Variants in SYNE1 observed in about 807,000 individuals in gnomAD.
SYNE1 encodes the protein nesprin-1.
SYNE1 carries 616 observed loss-of-function variants against 1,111.0 expected under a neutral mutation model. That is an observed-to-expected ratio of 0.55 (90% CI 0.52 to 0.59). The LOEUF (loss-of-function observed/expected upper bound fraction) is 0.59. Ranked by LOEUF, SYNE1 falls within the 20% of genes least tolerant of loss-of-function variation. The pLI, the probability that SYNE1 is intolerant of heterozygous loss-of-function variation, is 0.00. For missense variants in SYNE1, 10,006 were observed against 10,417.0 expected, an observed-to-expected ratio of 0.96 and a Z score of 1.72; for synonymous variants, 3,855 against 3,825.8, an observed-to-expected ratio of 1.01 and a Z score of -0.28.
At chr6:152,417,313 A>C (rs185024118) in intron 40 of SYNE1, among the ~76,000 whole-genome samples, 2 of 152,302 alleles carry the variant, frequency 1.3e-5, no homozygotes, top group African/African-American at 4.8e-5. Flanking sequence ...CCTGGCTAAC[A>C]CGGTGAAACC....
rs1057423185 is a variant in SYNE1 at position 152,407,077 on chromosome 6, C to A, written c.6660G>T (p.Met2220Ile). The A allele has an allele frequency of 6.2e-7, 1 of 1,613,736 alleles. No individual in the cohort carries two copies. Among genetic ancestry groups the A allele is most frequent in the South Asian group, 1.1e-5 (1 of 91,058 alleles). ...TATCCAGGTTGCTGATGTTTTCTGC[C>A]ATCTGTGGAACGCAGTTGTTTGACC... ...EGWSNNCVPQ[M>I]AENISNLDNH... is the part of the protein sequence containing the mutation. Residue 2220 changes from methionine to isoleucine, a missense_variant, in exon 45 of 146, where the codon ATG becomes ATT. Physicochemically the swap from Met to Ile is conservative, Grantham distance 10 (BLOSUM62 1). Transcript: ENST00000367255.
intron 4 of SYNE1, among the ~76,000 whole-genome samples, chr6:152,528,055 TTC>T (rs2099171568): frequency 6.6e-6 from 1 of 152,108 alleles, no homozygotes; most frequent in South Asian, 2.1e-4. Context: ...GCCAATACCA[TTC>T]TCTCCCTGAT....
At chr6:152,347,513 C>A (rs2096658183) in intron 72 of SYNE1, among the ~76,000 whole-genome samples, 1 of 152,050 alleles carries the variant, frequency 6.6e-6, no homozygotes, top group South Asian at 2.1e-4. Context: ...AGAGATAATA[C>A]TCCATGGTAT....
intron 21 of SYNE1, among the ~76,000 whole-genome samples, chr6:152,460,797 ATCTTTTTT>A (rs2098728116): frequency 1.6e-5 from 2 of 127,308 alleles, no homozygotes; most frequent in South Asian, 2.5e-4. Context: ...AATGTATATA[ATCTTTTTT>A]TTTTTTTTTT....
chr6:152,373,010 T>C (rs1227711778), intron 59 of SYNE1, 27 bp downstream of exon 59: 1 of 1,604,442 alleles, frequency 6.2e-7, no homozygotes, highest in Non-Finnish European at 8.5e-7. Flanking sequence ...TAACACAGAA[T>C]GCTTCCATGT....
chr6:152,269,095 G>T, intron 99 of SYNE1, 60 bp downstream of exon 99: 1 of 1,611,996 alleles, frequency 6.2e-7, no homozygotes. Context: ...TCTGAAATAT[G>T]CCTCTCAGGT....
intron 6 of SYNE1, among the ~76,000 whole-genome samples, chr6:152,518,998 G>T (rs2099126161): frequency 6.7e-6 from 1 of 148,958 alleles, no homozygotes; most frequent in Non-Finnish European, 1.5e-5. Flanking sequence ...AGGGTGGGGG[G>T]AGGGGGGAGG....
At chr6:152,163,460 C>T (rs1323045788) in intron 131 of SYNE1, among the ~76,000 whole-genome samples, 1 of 143,606 alleles carries the variant, frequency 7.0e-6, no homozygotes, top group Non-Finnish European at 1.5e-5. Context: ...GATCGCACTA[C>T]TACACTCCAG....
intron 8 of SYNE1, among the ~76,000 whole-genome samples, chr6:152,506,253 G>A (rs1313814485): frequency 2.6e-5 from 4 of 152,038 alleles, no homozygotes; most frequent in African/African-American, 7.2e-5. Context: ...AGGCAGTTCC[G>A]AAAACAGAGT....
intron 14 of SYNE1, chr6:152,478,579 T>C (rs1564334457): frequency 6.6e-6 from 1 of 152,246 alleles, no homozygotes; most frequent in Non-Finnish European, 1.5e-5. Flanking sequence ...CGTAGGTGGG[T>C]TGATGTGGCC....
chr6:152,199,459 A>G, intron 127 of SYNE1, among the ~76,000 whole-genome samples: 1 of 152,228 alleles, frequency 6.6e-6, no homozygotes, highest in East Asian at 1.9e-4. Flanking sequence ...CTGCAGGATC[A>G]GACATTTCTT....
Position 152,354,705 on chromosome 6 carries a change from C to A in SYNE1, c.10880G>T (p.Arg3627Leu), listed in dbSNP as rs755667715. 10 of 1,614,224 alleles carry A rather than the reference C, an allele frequency of 6.2e-6. No homozygotes were observed. The highest frequency in any genetic ancestry group is 6.8e-6 in the Non-Finnish European group (8 of 1,180,040). Residue 3627 changes from arginine (R) to leucine (L), a missense_variant, in exon 67 of 146, where the codon CGT (arginine) becomes CTT (leucine). By Grantham distance (102) the Arg-to-Leu change is moderately radical. Coordinates refer to ENST00000367255, the MANE Select transcript of SYNE1 (RefSeq NM_182961.4). ...AEEKVSPRTR[R>L]QSNRATKEIQ... ...CTCCTTGGTTGCCCTGTTAGACTGA[C>A]GTCTGGTCCTGGGACTAACTTTCTC...
At chr6:152,172,710 T>G (rs1036211027) in intron 130 of SYNE1, among the ~76,000 whole-genome samples, 2 of 152,230 alleles carry the variant, frequency 1.3e-5, no homozygotes, top group Non-Finnish European at 2.9e-5. Context: ...AAGGCAGTTT[T>G]ACAGAAATTA....
At chr6:152,338,877 C>T (rs1040446027) in intron 75 of SYNE1, among the ~76,000 whole-genome samples, 1 of 151,420 alleles carries the variant, frequency 6.6e-6, no homozygotes, top group Non-Finnish European at 1.5e-5. Context: ...GGTCAAGAGC[C>T]CCTTTCATAT....
At chr6:152,405,744 T>C (rs1043007409) in intron 45 of SYNE1, among the ~76,000 whole-genome samples, 10 of 152,186 alleles carry the variant, frequency 6.6e-5, no homozygotes, top group Non-Finnish European at 1.5e-4. Flanking sequence ...CTGAGGACAC[T>C]GCGGTATCCA....
chr6:152,140,590 C>T (rs1011738362), intron 139 of SYNE1, among the ~76,000 whole-genome samples: 1 of 151,986 alleles, frequency 6.6e-6, no homozygotes, highest in Admixed American at 6.6e-5. Context: ...CCCAGCTACT[C>T]GAGGGGAGGC....
intron 6 of SYNE1, among the ~76,000 whole-genome samples, chr6:152,512,430 T>A (rs1271960700): frequency 6.6e-6 from 1 of 152,186 alleles, no homozygotes; most frequent in Admixed American, 6.5e-5. Context: ...ATCTCTAGGA[T>A]CATTTTGAGA....
Position 152,413,747 on chromosome 6 carries a change from C to T in SYNE1, c.6051-216G>A, listed in dbSNP as rs1873177. On this transcript the variant is annotated intron_variant, in intron 41 of 145. Coordinates refer to ENST00000367255, the MANE Select transcript of SYNE1 (RefSeq NM_182961.4). ...CTGTACCTCAGAAAACATTGAAAGT[C>T]ATTCTTACTACTCACCATCAACCTT... Among the ~76,000 whole-genome samples the T allele has an allele frequency of 0.042, 6,429 of 152,136 alleles. 255 individuals carry two copies. Among genetic ancestry groups the T allele is most frequent in the African/African-American group, 0.096 (3,999 of 41,488 alleles).
chr6:152,361,442 G>T (rs892191946), intron 64 of SYNE1, among the ~76,000 whole-genome samples: 3 of 152,182 alleles, frequency 2.0e-5, no homozygotes, highest in Admixed American at 1.3e-4. Flanking sequence ...TCCAGTTCAG[G>T]TGAAGAGGAT....
Sources: gnomAD v4.1 joint callset for allele counts (sites outside exome capture counted in the v4.1 genomes callset) on GRCh38, gnomAD v4.1.1 for gene constraint, MANE v1.5 for transcripts, NCBI Gene and HGNC (gene_info 2026-07-23, HGNC 2026-07-21) for gene names.